Variants in ZNF124 observed in about 807,000 individuals in gnomAD.
ZNF124 encodes the protein zinc finger protein HZF-16.
In ZNF124, 25 loss-of-function variants were observed where a neutral mutation model predicts 26.6. The ratio of observed to expected loss-of-function variants is 0.94; its 90% CI spans 0.68 to 1.31. The LOEUF (loss-of-function observed/expected upper bound fraction) is 1.31. Among genes scored for constraint, ZNF124 ranks in the 40% most tolerant of loss-of-function variants. ZNF124 has a pLI of 0.00. For synonymous variants in ZNF124, 129 were observed against 133.3 expected (o/e 0.97, Z 0.22); for missense variants, 444 against 422.2 (o/e 1.05, Z -0.45).
downstream of ZNF124, among the ~76,000 whole-genome samples, chr1:247,152,558 C>T (rs1672976825): frequency 6.6e-6 from 1 of 152,044 alleles, no homozygotes; most frequent in African/African-American, 2.4e-5. Context: ...TTACCTAGTA[C>T]AGTGATATGT....
At chr1:247,123,212 T>C (rs540257055) in exon 4 of ZNF124, 1 of 152,346 alleles carries the variant, frequency 6.6e-6, no homozygotes, top group South Asian at 2.1e-4. Context: ...TTTTTTTTTT[T>C]CTGAGACGGA....
Position 247,155,085 on chromosome 1 carries a change from A to G in ZNF124, c.*1481T>C, listed in dbSNP as rs1673052871. Among the ~76,000 whole-genome samples, 1 of 152,224 alleles carries G rather than the reference A, an allele frequency of 6.6e-6. No individual in the cohort carries two copies. On this transcript the variant is annotated 3_prime_UTR_variant, in exon 4 of 4. Coordinates refer to ENST00000543802, the MANE Select transcript of ZNF124 (RefSeq NM_001297568.2). ...TTCTTTCTCAGATTAGACACAAGAC[A>G]CTGTTCGATCACAGGTCTCTCTCCT...
chr1:247,133,028 C>T (rs956402417), intron 3 of ZNF124, among the ~76,000 whole-genome samples: 2 of 152,216 alleles, frequency 1.3e-5, no homozygotes, highest in East Asian at 3.9e-4. Context: ...GAATTGCTAA[C>T]TAGAATAACC....
chr1:247,164,872 T>C (rs1210673336), intron 1 of ZNF124, among the ~76,000 whole-genome samples: 1 of 152,168 alleles, frequency 6.6e-6, no homozygotes, highest in Non-Finnish European at 1.5e-5. Flanking sequence ...ACAAAGCTAC[T>C]GTAACCAAAA....
downstream of ZNF124, among the ~76,000 whole-genome samples, chr1:247,153,089 C>T (rs1467158078): frequency 8.6e-5 from 13 of 150,970 alleles, no homozygotes; most frequent in African/African-American, 2.2e-4. Context: ...GCTGAGATTG[C>T]GCCACTGCAC....
downstream of ZNF124, among the ~76,000 whole-genome samples, chr1:247,152,793 A>T (rs964797132): frequency 1.3e-5 from 2 of 152,186 alleles, no homozygotes; most frequent in East Asian, 3.8e-4. Context: ...TTACAGTTCT[A>T]TGGAGATGAG....
intron 3 of ZNF124, among the ~76,000 whole-genome samples, chr1:247,147,711 T>G (rs1223538747): frequency 2.0e-5 from 3 of 152,138 alleles, no homozygotes; most frequent in African/African-American, 7.2e-5. Context: ...CTGCCCTCTG[T>G]GGCAAATGGA....
chr1:247,157,134 C>A lies in ZNF124; in HGVS notation c.488G>T (p.Arg163Leu). The stretch of plus-strand genomic sequence containing the variant: ...AATCCTTTTATGTCTATTAAGAGAA[C>A]GGGAAAAACCTAAGGCTTTCCCACA... The part of the protein sequence containing the change: ...MECGKALGFS[R>L]SLNRHKRIHT... The change falls in exon 4 of 4, where the codon CGT (arginine) becomes CTT (leucine). Residue 163 changes from arginine to leucine, a missense_variant. Coordinates refer to ENST00000543802, the MANE Select transcript of ZNF124 (RefSeq NM_001297568.2). 1 of 1,613,958 alleles carries A rather than the reference C, an allele frequency of 6.2e-7. No individual in the cohort carries two copies. The highest frequency in any genetic ancestry group is 8.5e-7 in the Non-Finnish European group (1 of 1,179,966).
intron 3 of ZNF124, among the ~76,000 whole-genome samples, chr1:247,140,308 T>C (rs1420607369): frequency 6.6e-6 from 1 of 152,234 alleles, no homozygotes; most frequent in Non-Finnish European, 1.5e-5. Flanking sequence ...GAAATTCTTG[T>C]AGTGTGTTTT....
downstream of ZNF124, among the ~76,000 whole-genome samples, chr1:247,153,632 A>G (rs1253551514): frequency 1.3e-5 from 2 of 152,184 alleles, no homozygotes; most frequent in African/African-American, 4.8e-5. Flanking sequence ...CTACCTGGAA[A>G]CAGACAGTGT....
chr1:247,162,590 C>T lies in ZNF124; in HGVS notation c.31-2777G>A, dbSNP rs531579467. ...AGCAATGTATGACTGTATATCTTTA[C>T]TTATATATAAAATATATTAACCCTT... is the stretch of plus-strand genomic sequence containing the variant. On this transcript the variant is annotated intron_variant, in intron 1 of 3. Coordinates refer to ENST00000543802, the MANE Select transcript of ZNF124 (RefSeq NM_001297568.2). 4.6e-5 allele frequency among the ~76,000 whole-genome samples: 6 copies of T among 131,098 alleles called. No individual in the cohort carries two copies. The South Asian group carries it at 1.5e-3, about 33-fold the overall frequency. 86.0% of individuals were successfully genotyped at this position (131,098 alleles called of 152,430 possible).
intron 3 of ZNF124, among the ~76,000 whole-genome samples, chr1:247,136,155 G>T (rs1166985110): frequency 2.6e-5 from 4 of 151,944 alleles, no homozygotes; most frequent in African/African-American, 7.2e-5. Flanking sequence ...CCTAAGTTCT[G>T]GCCAGGACAA....
rs901239879 is a variant in ZNF124, at chr1:247,155,369, T to A, written c.*1197A>T. On this transcript the variant is annotated 3_prime_UTR_variant, in exon 4 of 4. Coordinates refer to ENST00000543802, the MANE Select transcript of ZNF124 (RefSeq NM_001297568.2). ...AACCCACAAAATTTTTAAAAAATTT[T>A]AAAAATATTTTATACTTTAAATATT... Among the ~76,000 whole-genome samples, 2 of 151,756 alleles carry A rather than the reference T, an allele frequency of 1.3e-5. No homozygotes were observed. The highest frequency in any genetic ancestry group is 2.1e-4 in the South Asian group (1 of 4,832).
At chr1:247,134,442 C>G (rs1406768416) in intron 3 of ZNF124, among the ~76,000 whole-genome samples, 1 of 152,064 alleles carries the variant, frequency 6.6e-6, no homozygotes, top group African/African-American at 2.4e-5. Flanking sequence ...AAAAAAAAGG[C>G]AGGGATTGCA....
intron 1 of ZNF124, among the ~76,000 whole-genome samples, chr1:247,163,284 CAAAA>C (rs766023064): frequency 1.5e-4 from 23 of 148,652 alleles, no homozygotes; most frequent in Admixed American, 2.0e-4. Context: ...TAGCAGAAGA[CAAAA>C]AAACCAAAAT....
intron 3 of ZNF124, among the ~76,000 whole-genome samples, chr1:247,144,465 T>C (rs1163755877): frequency 6.6e-6 from 1 of 152,150 alleles, no homozygotes; most frequent in Admixed American, 6.6e-5. Context: ...GGTTTAGAGC[T>C]GATGTGAAAG....
chr1:247,157,227 T>C lies in ZNF124; in HGVS notation c.395A>G (p.Asn132Ser), dbSNP rs995744401. The change falls in exon 4 of 4, where the codon AAT (asparagine) becomes AGT (serine). Residue 132 changes from asparagine (N) to serine (S), a missense_variant. By Grantham distance (46) the Asn-to-Ser change is conservative. Transcript: ENST00000543802. The stretch of plus-strand genomic sequence containing the variant: ...ATGTATCTGAAATGAACTGGGAATA[T>C]TAAAAACTTTCTCACATATTGTACA... ...YGCTICEKVF[N>S]IPSSFQIHQR... is the part of the protein sequence containing the mutation. 2 of 1,614,168 alleles carry C rather than the reference T, an allele frequency of 1.2e-6. No homozygotes were observed. Among genetic ancestry groups the C allele is most frequent in the Admixed American group, 1.7e-5 (1 of 60,034 alleles).
chr1:247,153,948 T>G (rs761209729), downstream of ZNF124, among the ~76,000 whole-genome samples: 16 of 152,192 alleles, frequency 1.1e-4, no homozygotes, highest in Non-Finnish European at 1.9e-4. Context: ...CATGAGGATC[T>G]ATGGATATGC....
intron 3 of ZNF124, among the ~76,000 whole-genome samples, chr1:247,140,068 G>A (rs1249354862): frequency 6.6e-6 from 1 of 152,194 alleles, no homozygotes; most frequent in Non-Finnish European, 1.5e-5. Flanking sequence ...TTTCGTGGAT[G>A]ATATCCTAGA....
Sources: gnomAD v4.1 joint callset for allele counts (sites outside exome capture counted in the v4.1 genomes callset) on GRCh38, gnomAD v4.1.1 for gene constraint, MANE v1.5 for transcripts, NCBI Gene and HGNC (gene_info 2026-07-23, HGNC 2026-07-21) for gene names.